Variants in CDC42SE2 observed in about 807,000 individuals in gnomAD.
CDC42SE2 encodes CDC42 small effector 2, also known as CDC42 small effector protein 2.
CDC42SE2 carries 3 observed loss-of-function variants against 11.5 expected under a neutral mutation model. The ratio of observed to expected loss-of-function variants is 0.26; its 90% CI spans 0.12 to 0.67. CDC42SE2 has a LOEUF of 0.67. CDC42SE2 is among the 30% of genes least tolerant of loss of function. The pLI is 0.80. For missense variants in CDC42SE2, 82 were observed against 106.8 expected, an observed-to-expected ratio of 0.77 and a Z score of 1.02; for synonymous variants, 33 against 34.8, an observed-to-expected ratio of 0.95 and a Z score of 0.18.
chr5:131,336,470 AGTATCTTT>A (rs1758565220), intron 2 of CDC42SE2, among the ~76,000 whole-genome samples: 1 of 151,936 alleles, frequency 6.6e-6, no homozygotes. Flanking sequence ...CTTCTCGAGG[AGTATCTTT>A]GTGGTGTTCT....
intron 2 of CDC42SE2, among the ~76,000 whole-genome samples, chr5:131,347,989 G>A (rs910157713): frequency 1.9e-4 from 29 of 152,214 alleles, no homozygotes; most frequent in Admixed American, 1.3e-3. Context: ...TTGATGGGAC[G>A]TATCTCAAAA....
At chr5:131,350,607 T>TTGTGTGTGTG (rs753402237) in intron 2 of CDC42SE2, among the ~76,000 whole-genome samples, 12 of 141,692 alleles carry the variant, frequency 8.5e-5, no homozygotes, top group African/African-American at 1.9e-4. Context: ...AAAATTTATT[T>TTGTGTGTGTG]TGTGTGTGTG....
At chr5:131,276,237 A>G (rs1757098355) in intron 1 of CDC42SE2, among the ~76,000 whole-genome samples, 1 of 148,848 alleles carries the variant, frequency 6.7e-6, no homozygotes. Flanking sequence ...GCTTGAGCTC[A>G]GGAGTTCGAG....
At chr5:131,275,298 CTT>C (rs200692326) in intron 1 of CDC42SE2, among the ~76,000 whole-genome samples, 16 of 138,266 alleles carry the variant, frequency 1.2e-4, no homozygotes, top group Admixed American at 1.5e-4. Flanking sequence ...ATATTGTAAT[CTT>C]TTTTTTTTTT....
At chr5:131,336,230 C>G (rs1209356479) in intron 2 of CDC42SE2, among the ~76,000 whole-genome samples, 3 of 151,542 alleles carry the variant, frequency 2.0e-5, no homozygotes, top group Non-Finnish European at 4.4e-5. Flanking sequence ...ACTTATGAAG[C>G]TTAGTTTGGC....
At chr5:131,298,409 A>G (rs952965691) in intron 1 of CDC42SE2, among the ~76,000 whole-genome samples, 2 of 151,746 alleles carry the variant, frequency 1.3e-5, no homozygotes, top group African/African-American at 2.4e-5. Flanking sequence ...GGCATGAGCC[A>G]CCGCGCCCGG....
rs1750684893 is a variant in CDC42SE2, at chr5:131,392,340, G to T, written c.*1249G>T. On this transcript the variant is annotated 3_prime_UTR_variant, in exon 5 of 5. Transcript: ENST00000505065. Reference sequence around the variant, plus strand: ...TGAAACTTCAGCAGAATAGATATCTGCATGCTTTATGAAGTTGTTGCTTCG... The same window carrying T: ...TGAAACTTCAGCAGAATAGATATCTTCATGCTTTATGAAGTTGTTGCTTCG... 6.6e-6 allele frequency: 1 copy of T among 152,630 alleles called. No individual in the cohort carries two copies. Among genetic ancestry groups the T allele is most frequent in the African/African-American group, 2.4e-5 (1 of 41,406 alleles). 9.5% of individuals were successfully genotyped at this position (152,630 alleles called of 1,614,324 possible).
At chr5:131,320,787 C>G (rs970587390) in intron 2 of CDC42SE2, among the ~76,000 whole-genome samples, 1 of 152,054 alleles carries the variant, frequency 6.6e-6, no homozygotes, top group Non-Finnish European at 1.5e-5. Flanking sequence ...CATTATAATT[C>G]TGGTAGATAG....
intron 1 of CDC42SE2, among the ~76,000 whole-genome samples, chr5:131,267,996 A>G (rs906477602): frequency 6.8e-5 from 10 of 147,024 alleles, no homozygotes; most frequent in African/African-American, 2.5e-4. Flanking sequence ...GGGGGACATT[A>G]TAGTTTTCCT....
chr5:131,254,959 G>A (rs550697288), intron 1 of CDC42SE2: 1 of 152,122 alleles, frequency 6.6e-6, no homozygotes, highest in South Asian at 2.1e-4. Flanking sequence ...ATTGAAGTGT[G>A]ACTCATTATA....
chr5:131,383,192 TA>T (rs1322548473), intron 3 of CDC42SE2, among the ~76,000 whole-genome samples: 1 of 152,124 alleles, frequency 6.6e-6, no homozygotes, highest in African/African-American at 2.4e-5. Context: ...AGTCTGCCAT[TA>T]GGGGCAGGGA....
At position 131,391,177 on chromosome 5, in the gene CDC42SE2, GTA is replaced by G. The variant is rs756913311; in HGVS notation, c.*97_*98del. The G allele has an allele frequency of 5.1e-5, 27 of 528,584 alleles. No individual in the cohort carries two copies. Among genetic ancestry groups the G allele is most frequent in the East Asian group, 8.6e-5 (2 of 23,186 alleles). 32.7% of individuals were successfully genotyped at this position (528,584 alleles called of 1,614,324 possible). A position where few individuals can be genotyped will look rare whatever the true frequency, so the allele number is the denominator to read the frequency against. On this transcript the variant is annotated 3_prime_UTR_variant, in exon 5 of 5. Coordinates refer to ENST00000505065, the MANE Select transcript of CDC42SE2 (RefSeq NM_001375635.1). ...GCCAGGCCAATAATAGTAAATATAT[GTA>G]TATATATATAATTTTTTAATGGTGA...
chr5:131,354,022 T>C (rs1398846466), intron 2 of CDC42SE2, among the ~76,000 whole-genome samples: 1 of 152,146 alleles, frequency 6.6e-6, no homozygotes, highest in Non-Finnish European at 1.5e-5. Flanking sequence ...GGCAGATTAC[T>C]TGAGCCCAGG....
intron 1 of CDC42SE2, among the ~76,000 whole-genome samples, chr5:131,284,530 A>G (rs1419253428): frequency 6.6e-6 from 1 of 152,060 alleles, no homozygotes; most frequent in African/African-American, 2.4e-5. Context: ...GGAGTGCAGT[A>G]GTGTGATCAT....
chr5:131,359,750 G>A (rs1749654385), intron 3 of CDC42SE2, among the ~76,000 whole-genome samples: 1 of 152,112 alleles, frequency 6.6e-6, no homozygotes, highest in South Asian at 2.1e-4. Context: ...AACTCTCCTA[G>A]ACCATTCATC....
intron 2 of CDC42SE2, among the ~76,000 whole-genome samples, chr5:131,316,650 C>G (rs919755177): frequency 4.6e-5 from 7 of 152,164 alleles, no homozygotes; most frequent in Non-Finnish European, 7.3e-5. Flanking sequence ...CTCCGCAGAG[C>G]TGATATTACG....
upstream of CDC42SE2, chr5:131,261,756 GGGA>G (rs1344436894): frequency 6.6e-6 from 1 of 152,172 alleles, no homozygotes; most frequent in Non-Finnish European, 1.5e-5. Context: ...AGGCTGAGGT[GGGA>G]GGATCACTTG....
intron 3 of CDC42SE2, among the ~76,000 whole-genome samples, chr5:131,381,781 C>T (rs1271862123): frequency 6.6e-6 from 1 of 152,236 alleles, no homozygotes; most frequent in Non-Finnish European, 1.5e-5. Context: ...GAATAGTCTT[C>T]TCAAGCTATT....
intron 3 of CDC42SE2, among the ~76,000 whole-genome samples, chr5:131,374,406 C>T (rs1227239009): frequency 6.6e-6 from 1 of 151,904 alleles, no homozygotes; most frequent in Non-Finnish European, 1.5e-5. Flanking sequence ...TTGCAGGTGC[C>T]TGTAATCCCA....
Sources: gnomAD v4.1 joint callset for allele counts (sites outside exome capture counted in the v4.1 genomes callset) on GRCh38, gnomAD v4.1.1 for gene constraint, MANE v1.5 for transcripts, NCBI Gene and HGNC (gene_info 2026-07-23, HGNC 2026-07-21) for gene names.